Variants in NKAIN2 observed in about 807,000 individuals in gnomAD.
NKAIN2 encodes the protein sodium/potassium transporting ATPase interacting 2.
A neutral mutation model predicts 32.6 loss-of-function variants in NKAIN2; 14 were observed. That is an observed-to-expected ratio of 0.43 (90% CI 0.28 to 0.67). The LOEUF is 0.67. Among genes scored for constraint, NKAIN2 ranks in the 30% least tolerant of loss-of-function variants. The pLI is 0.17. For synonymous variants in NKAIN2, 80 were observed against 87.2 expected (o/e 0.92, Z 0.46); for missense variants, 198 against 258.3 (o/e 0.77, Z 1.60).
At chr6:124,673,614 T>C (rs950267105) in intron 4 of NKAIN2, among the ~76,000 whole-genome samples, 1 of 152,092 alleles carries the variant, frequency 6.6e-6, no homozygotes, top group African/African-American at 2.4e-5. Context: ...ACTGTGGTTT[T>C]GATTTGTATT....
chr6:124,093,859 A>G (rs562796017), intron 1 of NKAIN2, among the ~76,000 whole-genome samples: 29 of 152,260 alleles, frequency 1.9e-4, no homozygotes, highest in African/African-American at 6.5e-4. Context: ...GAGGAAAGCC[A>G]GAGAAACTAA....
intron 4 of NKAIN2, among the ~76,000 whole-genome samples, chr6:124,745,269 G>A (rs958124518): frequency 6.6e-6 from 1 of 151,876 alleles, no homozygotes; most frequent in East Asian, 1.9e-4. Context: ...TTTACAAAAA[G>A]GCTTTAAAAA....
intron 5 of NKAIN2, among the ~76,000 whole-genome samples, chr6:124,792,167 G>A (rs1301605870): frequency 1.3e-5 from 2 of 152,106 alleles, no homozygotes; most frequent in Non-Finnish European, 1.5e-5. Flanking sequence ...CATTTACTCT[G>A]AGGAAAAATC....
rs1297223003 is a variant in NKAIN2 at position 124,728,415 on chromosome 6, G to A, written c.475-62924G>A. 4.8e-5 allele frequency among the ~76,000 whole-genome samples: 5 copies of A among 104,786 alleles called. No individual in the cohort carries two copies. In the East Asian group the frequency reaches 1.1e-3, roughly 23 times the overall value. 68.7% of individuals were successfully genotyped at this position (104,786 alleles called of 152,430 possible). On this transcript the variant is annotated intron_variant, in intron 4 of 6. Transcript: ENST00000368417. ...AGGATTAAGAAACTCACTCAAAACT[G>A]CTCAACTACATGGAAACTGAACAAC...
intron 1 of NKAIN2, among the ~76,000 whole-genome samples, chr6:124,210,023 A>G (rs1791089155): frequency 6.6e-6 from 1 of 150,878 alleles, no homozygotes; most frequent in South Asian, 2.1e-4. Flanking sequence ...ATCTTCATCA[A>G]TACTTACATT....
chr6:124,604,797 T>G (rs1352682961), intron 3 of NKAIN2, among the ~76,000 whole-genome samples: 1 of 151,946 alleles, frequency 6.6e-6, no homozygotes, highest in Non-Finnish European at 1.5e-5. Flanking sequence ...ATCTGTTGGT[T>G]ACAGATTTGT....
rs145047878 is a variant in NKAIN2 at position 124,375,926 on chromosome 6, G to C, written c.273+20579G>C. ...AGAATACTCTCTAGGTTAAGCCTTT[G>C]CCCTTAGTTCTAAGAGACATAATGT... On this transcript the variant is annotated intron_variant, in intron 3 of 6. Coordinates refer to ENST00000368417, the MANE Select transcript of NKAIN2 (RefSeq NM_001040214.3). Among the ~76,000 whole-genome samples, 4 of 152,194 alleles carry C rather than the reference G, an allele frequency of 2.6e-5. No individual in the cohort carries two copies. In the East Asian group the frequency reaches 7.7e-4, roughly 29 times the overall value.
At chr6:124,750,495 AGATGGATGGATGGATG>A (rs56937918) in intron 4 of NKAIN2, among the ~76,000 whole-genome samples, 47 of 149,656 alleles carry the variant, frequency 3.1e-4, no homozygotes, top group South Asian at 1.5e-3. Flanking sequence ...CTGGAGGAAG[AGATGGATGGATGGATG>A]GATGGATGGA....
At chr6:124,095,687 A>C (rs574625041) in intron 1 of NKAIN2, among the ~76,000 whole-genome samples, 110 of 152,260 alleles carry the variant, frequency 7.2e-4, no homozygotes, top group African/African-American at 2.2e-3. Flanking sequence ...ACAGCCTCCT[A>C]TGAGATCAAC....
chr6:124,233,010 T>G (rs927762218), intron 1 of NKAIN2, among the ~76,000 whole-genome samples: 3 of 152,124 alleles, frequency 2.0e-5, no homozygotes, highest in African/African-American at 4.8e-5. Context: ...CAGCTTTCAG[T>G]AGGAAAGGAG....
chr6:124,272,497 T>C (rs997454411), intron 1 of NKAIN2, among the ~76,000 whole-genome samples: 2 of 152,172 alleles, frequency 1.3e-5, no homozygotes, highest in African/African-American at 4.8e-5. Flanking sequence ...TCAGAGAATG[T>C]ATGGAAATGC....
At chr6:124,737,592 T>C (rs1777014313) in intron 4 of NKAIN2, among the ~76,000 whole-genome samples, 1 of 151,682 alleles carries the variant, frequency 6.6e-6, no homozygotes, top group African/African-American at 2.4e-5. Flanking sequence ...GTTGGAACAA[T>C]TTGGAGGGCT....
chr6:124,630,734 T>C (rs1039119586), intron 3 of NKAIN2, among the ~76,000 whole-genome samples: 1 of 152,172 alleles, frequency 6.6e-6, no homozygotes, highest in South Asian at 2.1e-4. Context: ...TACATCTCTC[T>C]TTATGGAAAA....
chr6:123,808,560 G>A (rs1050532955), intron 1 of NKAIN2, among the ~76,000 whole-genome samples: 1 of 152,146 alleles, frequency 6.6e-6, no homozygotes, highest in Non-Finnish European at 1.5e-5. Context: ...TTCTTCCAGT[G>A]TCCAACTCTT....
intron 1 of NKAIN2, among the ~76,000 whole-genome samples, chr6:124,179,788 G>A (rs1789346719): frequency 6.6e-6 from 1 of 152,178 alleles, no homozygotes; most frequent in African/African-American, 2.4e-5. Context: ...CATCAAAGAA[G>A]GTTTCTATTA....
At chr6:124,074,216 CA>C (rs1208378891) in intron 1 of NKAIN2, among the ~76,000 whole-genome samples, 7 of 152,138 alleles carry the variant, frequency 4.6e-5, no homozygotes, top group African/African-American at 1.7e-4. Flanking sequence ...ACTCAGCGTT[CA>C]GGGTTTTTTA....
chr6:124,534,400 C>T (rs535730418), intron 3 of NKAIN2, among the ~76,000 whole-genome samples: 1 of 152,318 alleles, frequency 6.6e-6, no homozygotes, highest in Non-Finnish European at 1.5e-5. Flanking sequence ...ATCTGCCTGC[C>T]TTGGCCTCCC....
intron 2 of NKAIN2, among the ~76,000 whole-genome samples, chr6:124,348,560 C>A (rs984437576): frequency 6.6e-6 from 1 of 152,194 alleles, no homozygotes; most frequent in South Asian, 2.1e-4. Context: ...CCCCCAGCCT[C>A]GCTGCTGCCT....
chr6:124,221,620 G>A (rs1791831653), intron 1 of NKAIN2, among the ~76,000 whole-genome samples: 1 of 152,074 alleles, frequency 6.6e-6, no homozygotes, highest in Non-Finnish European at 1.5e-5. Flanking sequence ...AGTAAGAGTT[G>A]TTGTTACCCA....
Sources: allele counts gnomAD v4.1 joint callset (sites outside exome capture counted in the v4.1 genomes callset), GRCh38; gene constraint gnomAD v4.1.1; transcripts MANE v1.5; gene names NCBI Gene and HGNC (gene_info 2026-07-23, HGNC 2026-07-21).